COPE: variants seen among roughly 807,000 people sequenced by gnomAD.
COPE encodes the protein coatomer subunit epsilon.
COPE carries 19 observed loss-of-function variants against 42.1 expected under a neutral mutation model. That is an observed-to-expected ratio of 0.45 (90% CI 0.31 to 0.66). The LOEUF is 0.66. Ranked by LOEUF, COPE falls within the 30% of genes least tolerant of loss-of-function variation. The pLI is 0.05. For missense variants in COPE, 402 were observed against 416.1 expected (o/e 0.97, Z 0.30); for synonymous variants, 195 against 181.3 (o/e 1.08, Z -0.60).
intron 6 of COPE, among the ~76,000 whole-genome samples, chr19:18,903,957 G>T (rs1291411630): frequency 6.6e-6 from 1 of 152,248 alleles, no homozygotes; most frequent in Non-Finnish European, 1.5e-5. Flanking sequence ...GTGGCGGGCA[G>T]GGACGGGGAG....
intron 6 of COPE, among the ~76,000 whole-genome samples, chr19:18,904,223 C>T (rs990334847): frequency 6.6e-6 from 1 of 152,236 alleles, no homozygotes; most frequent in Non-Finnish European, 1.5e-5. Context: ...CCTCGGCCTC[C>T]CGAAGTGCTG....
chr19:18,910,676 G>A lies in COPE; in HGVS notation c.290+295C>T, dbSNP rs138121083. On this transcript the variant is annotated intron_variant, in intron 3 of 9. Coordinates refer to ENST00000262812, the MANE Select transcript of COPE (RefSeq NM_007263.4). ...CTCTGGGTGTTGCAGAGGGCTGCTC[G>A]GTAATTGATATTTTCAGTTCTAGGT... The A allele has an allele frequency of 7.7e-4, 335 of 436,180 alleles. 2 individuals carry two copies. The East Asian group carries it at 0.012, about 15-fold the overall frequency. 27.0% of individuals were successfully genotyped at this position (436,180 alleles called of 1,614,324 possible). A position where few individuals can be genotyped will look rare whatever the true frequency, so the allele number is the denominator to read the frequency against.
At chr19:18,913,286 A>G (rs1161107966) in intron 1 of COPE, among the ~76,000 whole-genome samples, 1 of 152,162 alleles carries the variant, frequency 6.6e-6, no homozygotes, top group African/African-American at 2.4e-5. Flanking sequence ...GCTTGCTCCC[A>G]AGTTCAGTGT....
chr19:18,904,702 G>A (rs2146104147), intron 6 of COPE, 69 bp downstream of exon 6: 2 of 1,371,764 alleles, frequency 1.5e-6, no homozygotes, highest in East Asian at 5.0e-5. Flanking sequence ...ACGCACAGGT[G>A]GGGGTGCCCA....
chr19:18,908,547 C>T (rs1489381753), intron 3 of COPE, among the ~76,000 whole-genome samples: 2 of 146,308 alleles, frequency 1.4e-5, no homozygotes, highest in East Asian at 2.0e-4. Context: ...GACGGAGTCT[C>T]GCACTTTCGC....
intron 1 of COPE, among the ~76,000 whole-genome samples, chr19:18,913,578 G>A (rs2056829883): frequency 6.8e-6 from 1 of 146,770 alleles, no homozygotes; most frequent in Non-Finnish European, 1.5e-5. Flanking sequence ...TAATGAAGCT[G>A]CCCCTGAGCC....
chr19:18,899,568 G>C lies in COPE; in HGVS notation c.*111C>G. 9.5e-7 allele frequency: 1 copy of C among 1,050,882 alleles called. No individual in the cohort carries two copies. The allele number at this position is 1,050,882 out of a possible 1,614,324, so 65.1% of individuals were successfully genotyped here. On this transcript the variant is annotated 3_prime_UTR_variant, in exon 10 of 10. Transcript: ENST00000262812. Reference sequence around the variant, plus strand: ...TTATTAACAGATGGGGGTGCTGGGGGTGGGCTCCTGCCCCCAGAGGGGATG... The same window carrying C: ...TTATTAACAGATGGGGGTGCTGGGGCTGGGCTCCTGCCCCCAGAGGGGATG...
intron 7 of COPE, 25 bp from the exon 8 acceptor site, chr19:18,900,474 A>T (rs922527453): frequency 6.5e-7 from 1 of 1,537,398 alleles, no homozygotes; most frequent in Admixed American, 2.0e-5. Flanking sequence ...AGACACGGGG[A>T]GGCAGGGTCA....
At chr19:18,918,560 C>T (rs1198075399) in intron 1 of COPE, among the ~76,000 whole-genome samples, 2 of 152,134 alleles carry the variant, frequency 1.3e-5, no homozygotes, top group Non-Finnish European at 2.9e-5. Flanking sequence ...GTCTCAGCCT[C>T]CCGGTAGCTG....
intron 3 of COPE, among the ~76,000 whole-genome samples, chr19:18,908,610 G>A (rs984059207): frequency 5.3e-5 from 8 of 149,996 alleles, no homozygotes; most frequent in African/African-American, 4.9e-5. Flanking sequence ...TCCGCCTCCC[G>A]GGTTCATGCC....
intron 7 of COPE, among the ~76,000 whole-genome samples, chr19:18,901,210 C>T (rs1249236207): frequency 3.9e-5 from 6 of 152,246 alleles, no homozygotes; most frequent in Non-Finnish European, 5.9e-5. Context: ...GCCAGCCAGC[C>T]CCAGGTGGTG....
Position 18,899,868 on chromosome 19 carries a change from C to T in COPE, c.879+5G>A, listed in dbSNP as rs1280178044. On this transcript the variant is annotated splice_donor_5th_base_variant and intron_variant, in intron 9 of 9. Transcript: ENST00000262812. ...TCTCGGGGACAGGCCATCCCCACCA[C>T]TCACCTTGGCCTGGTACTCCTTGAT... The T allele has an allele frequency of 6.2e-7, 1 of 1,613,188 alleles. No individual in the cohort carries two copies. The highest frequency in any genetic ancestry group is 8.5e-7 in the Non-Finnish European group (1 of 1,179,590).
At chr19:18,916,134 G>A (rs1443145556) in intron 1 of COPE, among the ~76,000 whole-genome samples, 1 of 152,072 alleles carries the variant, frequency 6.6e-6, no homozygotes, top group African/African-American at 2.4e-5. Context: ...GTGGTGAGCT[G>A]AGATCATGCC....
At chr19:18,912,935 C>A in intron 2 of COPE, 49 bp downstream of exon 2, 2 of 1,592,128 alleles carry the variant, frequency 1.3e-6, no homozygotes, top group Non-Finnish European at 1.7e-6. Context: ...CCCAGCCCCA[C>A]CCTCTACTCT....
At chr19:18,901,475 A>G (rs1298380401) in intron 7 of COPE, among the ~76,000 whole-genome samples, 1 of 152,216 alleles carries the variant, frequency 6.6e-6, no homozygotes, top group Non-Finnish European at 1.5e-5. Context: ...GCTCAGAGCT[A>G]AAGATGGACC....
chr19:18,912,471 A>AG, intron 2 of COPE, among the ~76,000 whole-genome samples: 1 of 152,066 alleles, frequency 6.6e-6, no homozygotes, highest in Middle Eastern at 3.4e-3. Flanking sequence ...GAAAAAAAAA[A>AG]AAATCGGCTG....
At chr19:18,902,223 C>T (rs1322651867) in intron 7 of COPE, among the ~76,000 whole-genome samples, 1 of 150,864 alleles carries the variant, frequency 6.6e-6, no homozygotes, top group Non-Finnish European at 1.5e-5. Flanking sequence ...GTGGCTCACA[C>T]CTATAATCCT....
At chr19:18,904,937 C>A in intron 5 of COPE, 85 bp from the exon 6 acceptor site, 3 of 1,373,094 alleles carry the variant, frequency 2.2e-6, no homozygotes, top group Non-Finnish European at 2.0e-6. Flanking sequence ...TTGGGGCCCA[C>A]CGGAGCCTGG....
Position 18,906,968 on chromosome 19 carries a change from G to A in COPE, c.435C>T (p.Ser145=), listed in dbSNP as rs11537884. The A allele has an allele frequency of 5.1e-6, 8 of 1,560,160 alleles. No individual in the cohort carries two copies. The African/African-American group carries it at 9.5e-5, about 19-fold the overall frequency. The part of the protein sequence containing the change: ...AALRALHQGD[S]LECTAMTVQI... ...GCAGGGAGGCCACTCACCACTCCAG[G>A]CTGTCCCCCTGGTGCAGCGCACGCA... The change falls in exon 4 of 10, where the codon AGC becomes AGT. Residue 145 remains serine (S), a synonymous_variant. Transcript: ENST00000262812.
Sources: gnomAD v4.1 joint callset for allele counts (sites outside exome capture counted in the v4.1 genomes callset) on GRCh38, gnomAD v4.1.1 for gene constraint, MANE v1.5 for transcripts, NCBI Gene and HGNC (gene_info 2026-07-23, HGNC 2026-07-21) for gene names.